SUN1: variants seen among roughly 807,000 people sequenced by gnomAD.
The protein encoded by SUN1 is Sad1 and UNC84 domain containing 1.
SUN1 carries 61 observed loss-of-function variants against 103.2 expected under a neutral mutation model. That is an observed-to-expected ratio of 0.59 (90% CI 0.48 to 0.73). The LOEUF (loss-of-function observed/expected upper bound fraction) is 0.73, where lower values mean the gene tolerates loss of function less well. SUN1 is among the 30% of genes least tolerant of loss of function. SUN1 has a pLI of 0.00. For synonymous variants in SUN1, 490 were observed against 425.7 expected (o/e 1.15, Z -1.86); for missense variants, 1,052 against 1,034.6 (o/e 1.02, Z -0.23).
chr7:816,102 G>A (rs1345809878), upstream of SUN1: 8 of 183,132 alleles, frequency 4.4e-5, no homozygotes, highest in Non-Finnish European at 6.8e-5. Flanking sequence ...ACACCTTTCC[G>A]AAGATGCAGA....
chr7:838,757 C>T, intron 1 of SUN1, 41 bp from the exon 2 acceptor site: 1 of 1,474,192 alleles, frequency 6.8e-7, no homozygotes. Flanking sequence ...AGAATGGGGG[C>T]TATAAGCACT....
At chr7:837,627 C>T (rs1804730378) in intron 1 of SUN1, among the ~76,000 whole-genome samples, 1 of 152,158 alleles carries the variant, frequency 6.6e-6, no homozygotes, top group South Asian at 2.1e-4. Context: ...GACTGGAGAC[C>T]TCCGTTTGAA....
At chr7:869,938 A>G (rs1328247047) in intron 17 of SUN1, among the ~76,000 whole-genome samples, 1 of 152,110 alleles carries the variant, frequency 6.6e-6, no homozygotes, top group Non-Finnish European at 1.5e-5. Flanking sequence ...TTGAGCCTGG[A>G]ATCCCAGCAC....
At chr7:826,041 C>G (rs1791492509) in intron 1 of SUN1, among the ~76,000 whole-genome samples, 1 of 151,970 alleles carries the variant, frequency 6.6e-6, no homozygotes, top group Non-Finnish European at 1.5e-5. Flanking sequence ...GAGTTCAAGA[C>G]CAGCCTGGGC....
At chr7:827,591 T>C (rs1793647151), upstream of SUN1, among the ~76,000 whole-genome samples, 1 of 150,244 alleles carries the variant, frequency 6.7e-6, no homozygotes, top group Admixed American at 6.6e-5. Flanking sequence ...CGCCTCAGCC[T>C]CCCGAGTAGC....
upstream of SUN1, among the ~76,000 whole-genome samples, chr7:827,823 G>T (rs1398778218): frequency 2.0e-5 from 3 of 152,064 alleles, no homozygotes; most frequent in Non-Finnish European, 4.4e-5. Context: ...ATATTTTCGT[G>T]TCTACCATAT....
intron 15 of SUN1, among the ~76,000 whole-genome samples, chr7:863,418 T>C (rs1833883066): frequency 6.6e-6 from 1 of 152,114 alleles, no homozygotes; most frequent in Non-Finnish European, 1.5e-5. Context: ...TTCTTGGGGG[T>C]TTTTTGTCCT....
At chr7:822,994 T>C (rs1041782014) in intron 1 of SUN1, among the ~76,000 whole-genome samples, 4 of 152,144 alleles carry the variant, frequency 2.6e-5, no homozygotes, top group Non-Finnish European at 5.9e-5. Context: ...ACCCGCGAAT[T>C]CCCGCACGCA....
intron 15 of SUN1, among the ~76,000 whole-genome samples, chr7:864,447 G>A (rs574615163): frequency 8.9e-4 from 135 of 151,782 alleles, no homozygotes; most frequent in Admixed American, 1.8e-3. Flanking sequence ...CCAGCTACTC[G>A]GGAGGCTGAG....
chr7:873,562 A>C lies in SUN1; in HGVS notation c.*231A>C. ...GTCAGCAGCAGGAGAAGCGTGTTGA[A>C]CACGTGGCTCTCAGACACTCCTTGT... is the stretch of plus-strand genomic sequence containing the variant. On this transcript the variant is annotated 3_prime_UTR_variant, in exon 19 of 19. Coordinates refer to ENST00000401592, the MANE Select transcript of SUN1 (RefSeq NM_001130965.3). 2.0e-6 allele frequency: 1 copy of C among 489,362 alleles called. No individual in the cohort carries two copies. The highest frequency in any genetic ancestry group is 3.6e-6 in the Non-Finnish European group (1 of 274,456). The allele number at this position is 489,362 out of a possible 1,614,324, so 30.3% of individuals were successfully genotyped here.
upstream of SUN1, chr7:832,218 C>G (rs957785801): frequency 2.8e-6 from 2 of 704,850 alleles, no homozygotes; most frequent in Non-Finnish European, 3.9e-6. Flanking sequence ...CTCCGTGTTT[C>G]TTGGAAGGTG....
At chr7:837,410 G>T (rs1804498255) in intron 1 of SUN1, among the ~76,000 whole-genome samples, 1 of 152,184 alleles carries the variant, frequency 6.6e-6, no homozygotes. Context: ...GGGATGCTTG[G>T]TATCTGTCTC....
At chr7:829,270 G>A (rs1430536255), upstream of SUN1, among the ~76,000 whole-genome samples, 3 of 152,206 alleles carry the variant, frequency 2.0e-5, no homozygotes, top group Non-Finnish European at 4.4e-5. Context: ...ACATGGGAAG[G>A]CTCTAATGTT....
intron 17 of SUN1, among the ~76,000 whole-genome samples, chr7:870,960 A>C (rs1204510087): frequency 1.4e-5 from 2 of 139,324 alleles, no homozygotes; most frequent in Non-Finnish European, 3.0e-5. Flanking sequence ...GCGCGATTTC[A>C]GCTCACCACA....
intron 1 of SUN1, among the ~76,000 whole-genome samples, chr7:835,657 G>C (rs548057727): frequency 6.6e-6 from 1 of 152,252 alleles, no homozygotes; most frequent in African/African-American, 2.4e-5. Flanking sequence ...ATGGTGTTAC[G>C]GGATGTTGCT....
rs749867290 is a variant in SUN1, at chr7:850,068, C to G, written c.659-1316C>G. On this transcript the variant is annotated intron_variant, in intron 5 of 18. Transcript: ENST00000401592. ...CGCCCCGTCTCCGTCTCATCTCGCC[C>G]TGTCACCATGCTATTTGTGTCTTGT... 7 of 1,517,898 alleles carry G rather than the reference C, an allele frequency of 4.6e-6. No homozygotes were observed. The African/African-American group carries it at 9.6e-5, about 21-fold the overall frequency. 94.0% of individuals were successfully genotyped at this position (1,517,898 alleles called of 1,614,324 possible). A position where few individuals can be genotyped will look rare whatever the true frequency, so the allele number is the denominator to read the frequency against.
chr7:869,390 C>T lies in SUN1; in HGVS notation c.2022C>T (p.Ser674=), dbSNP rs757140596. 1.2e-6 allele frequency: 2 copies of T among 1,613,878 alleles called. No homozygotes were observed. Among genetic ancestry groups the T allele is most frequent in the South Asian group, 2.2e-5 (2 of 91,080 alleles). The change falls in exon 17 of 19, where the codon TCC becomes TCT. Residue 674 remains serine, a synonymous_variant. Coordinates refer to ENST00000401592, the MANE Select transcript of SUN1 (RefSeq NM_001130965.3). The stretch of plus-strand genomic sequence containing the variant: ...GTAACTGCTGGGCATTTAAAGGCTC[C>T]CAGGGGTACCTGGTGGTGAGGCTCT... The part of the protein sequence containing the change: ...YPGNCWAFKG[S]QGYLVVRLSM...
chr7:840,064 A>G (rs1246932874), intron 2 of SUN1, among the ~76,000 whole-genome samples: 2 of 152,214 alleles, frequency 1.3e-5, no homozygotes, highest in Non-Finnish European at 2.9e-5. Flanking sequence ...TGCTCATGTA[A>G]GAATAAGAGC....
intron 2 of SUN1, 61 bp downstream of exon 2, chr7:839,047 A>G (rs936832700): frequency 6.9e-7 from 1 of 1,448,206 alleles, no homozygotes; most frequent in African/African-American, 1.4e-5. Flanking sequence ...CCAAGCTTCC[A>G]TACTTTTTGG....
Sources: gnomAD v4.1 joint callset for allele counts (sites outside exome capture counted in the v4.1 genomes callset) on GRCh38, gnomAD v4.1.1 for gene constraint, MANE v1.5 for transcripts, NCBI Gene and HGNC (gene_info 2026-07-23, HGNC 2026-07-21) for gene names.